Variants in CCDC150 observed in about 807,000 individuals in gnomAD.
CCDC150 encodes coiled-coil domain containing 150, also known as coiled-coil domain-containing protein 150.
A neutral mutation model predicts 156.5 loss-of-function variants in CCDC150; 151 were observed. The ratio of observed to expected loss-of-function variants is 0.97; its 90% CI spans 0.85 to 1.10. The LOEUF (loss-of-function observed/expected upper bound fraction) is 1.10. Ranked by LOEUF, CCDC150 falls within the 50% of genes least tolerant of loss-of-function variation. The pLI is 0.00. For synonymous variants in CCDC150, 452 were observed against 429.4 expected, an observed-to-expected ratio of 1.05 and a Z score of -0.65; for missense variants, 1,312 against 1,268.1, an observed-to-expected ratio of 1.03 and a Z score of -0.53.
chr2:196,712,133 T>G lies in CCDC150; in HGVS notation c.1696-12T>G. 7.2e-7 allele frequency: 1 copy of G among 1,389,908 alleles called. No homozygotes were observed. The highest frequency in any genetic ancestry group is 9.8e-7 in the Non-Finnish European group (1 of 1,021,368). 86.1% of individuals were successfully genotyped at this position (1,389,908 alleles called of 1,614,324 possible). On this transcript the variant is annotated splice_polypyrimidine_tract_variant and intron_variant, in intron 15 of 27. Coordinates refer to ENST00000389175, the MANE Select transcript of CCDC150 (RefSeq NM_001080539.2). ...TTTTAAAATTTTTTTTGTATTTTTGTTTTTCCTCTAGATAAAAGTTAAACA... is the reference window on the plus strand; with the variant it reads ...TTTTAAAATTTTTTTTGTATTTTTGGTTTTCCTCTAGATAAAAGTTAAACA...
intron 26 of CCDC150, among the ~76,000 whole-genome samples, chr2:196,731,414 A>T (rs1698515737): frequency 6.9e-6 from 1 of 144,982 alleles, no homozygotes; most frequent in African/African-American, 2.6e-5. Context: ...TTTTTCCAAG[A>T]CAGGGTCTCA....
chr2:196,719,521 G>T lies in CCDC150; in HGVS notation c.2020G>T (p.Ala674Ser), dbSNP rs1230693897. The change falls in exon 19 of 28, where the codon GCA becomes TCA. Residue 674 changes from alanine to serine, a missense_variant. Coordinates refer to ENST00000389175, the MANE Select transcript of CCDC150 (RefSeq NM_001080539.2). The stretch of plus-strand genomic sequence containing the variant: ...GGTGGGAAACTTTCAGCGACAATTG[G>T]CAGAAGCTAAAGAAGACAACTGCAA... ...KKVGNFQRQLAEAKEDNCKVT... is the reference protein window; with the variant it reads ...KKVGNFQRQLSEAKEDNCKVT... 1.2e-6 allele frequency: 2 copies of T among 1,609,832 alleles called. No homozygotes were observed. The highest frequency in any genetic ancestry group is 2.7e-5 in the African/African-American group (2 of 74,616).
At position 196,669,861 on chromosome 2, in the gene CCDC150, G is replaced by C. The variant is rs1371598998; in HGVS notation, c.921G>C (p.Leu307Phe). Residue 307 changes from leucine (L) to phenylalanine (F), a missense_variant, in exon 8 of 28, where the codon TTG becomes TTC. Coordinates refer to ENST00000389175, the MANE Select transcript of CCDC150 (RefSeq NM_001080539.2). Reference sequence around the variant, plus strand: ...CTAGAGATGACCTCATTTCCAAGTTGGTTGAAGAAAATAAGGTGAGTTTTG... The same window carrying C: ...CTAGAGATGACCTCATTTCCAAGTTCGTTGAAGAAAATAAGGTGAGTTTTG... ...LTSRDDLISK[L>F]VEENKNLQIS... 6.2e-7 allele frequency: 1 copy of C among 1,611,000 alleles called. No homozygotes were observed. Among genetic ancestry groups the C allele is most frequent in the Non-Finnish European group, 8.5e-7 (1 of 1,178,246 alleles).
At chr2:196,662,641 TC>T (rs1693623339) in intron 5 of CCDC150, among the ~76,000 whole-genome samples, 1 of 152,114 alleles carries the variant, frequency 6.6e-6, no homozygotes, top group African/African-American at 2.4e-5. Flanking sequence ...GTAGTACCAG[TC>T]TGTGGCCCCA....
At chr2:196,680,117 A>T (rs1431017675) in intron 13 of CCDC150, among the ~76,000 whole-genome samples, 1 of 152,150 alleles carries the variant, frequency 6.6e-6, no homozygotes, top group Non-Finnish European at 1.5e-5. Flanking sequence ...TTAAATTTTA[A>T]TGAAGACTAA....
At chr2:196,668,371 G>A (rs1163563506) in intron 7 of CCDC150, among the ~76,000 whole-genome samples, 2 of 149,032 alleles carry the variant, frequency 1.3e-5, no homozygotes, top group Non-Finnish European at 3.0e-5. Context: ...ACAGCAAGTA[G>A]AATAGCTGGG....
At chr2:196,687,478 C>T (rs1158375106) in intron 13 of CCDC150, among the ~76,000 whole-genome samples, 1 of 151,998 alleles carries the variant, frequency 6.6e-6, no homozygotes, top group Non-Finnish European at 1.5e-5. Context: ...CTTTTTCTTG[C>T]AAATTTAAGT....
At position 196,657,132 on chromosome 2, in the gene CCDC150, C is replaced by T; in HGVS notation, c.572C>T (p.Thr191Ile). 1 of 1,613,492 alleles carries T rather than the reference C, an allele frequency of 6.2e-7. No individual in the cohort carries two copies. The highest frequency in any genetic ancestry group is 8.5e-7 in the Non-Finnish European group (1 of 1,179,598). Residue 191 changes from threonine to isoleucine, a missense_variant, in exon 4 of 28, where the codon ACA becomes ATA. Coordinates refer to ENST00000389175, the MANE Select transcript of CCDC150 (RefSeq NM_001080539.2). ...LTATLKIASQ[T>I]KKNAAIIEEE... ...GCCACTCTGAAGATTGCCTCGCAGA[C>T]AAAGGTTTGAGTCTAAGAGTTCTGA...
intron 19 of CCDC150, chr2:196,719,902 A>G: frequency 2.9e-6 from 1 of 344,768 alleles, no homozygotes. Context: ...TAGACTATAT[A>G]TCCTAGAAAT....
At chr2:196,730,280 A>C (rs1698453166) in intron 25 of CCDC150, among the ~76,000 whole-genome samples, 162 bp downstream of exon 25, 1 of 152,258 alleles carries the variant, frequency 6.6e-6, no homozygotes, top group South Asian at 2.1e-4. Context: ...TCTAGGAAGA[A>C]GGCTGTAGTT....
chr2:196,701,463 A>C (rs1305653703), intron 15 of CCDC150, among the ~76,000 whole-genome samples: 1 of 152,222 alleles, frequency 6.6e-6, no homozygotes. Flanking sequence ...TAGAAAGCCT[A>C]TACCTCTTTT....
chr2:196,654,579 T>C (rs1258002456), intron 2 of CCDC150, among the ~76,000 whole-genome samples: 1 of 152,168 alleles, frequency 6.6e-6, no homozygotes, highest in Non-Finnish European at 1.5e-5. Flanking sequence ...TCTTTGGCTA[T>C]ATGATTTTTT....
At chr2:196,707,952 T>G (rs2125681110) in intron 15 of CCDC150, among the ~76,000 whole-genome samples, 1 of 152,216 alleles carries the variant, frequency 6.6e-6, no homozygotes, top group South Asian at 2.1e-4. Context: ...GGAATAAGTG[T>G]GATGTGGTGC....
intron 26 of CCDC150, among the ~76,000 whole-genome samples, chr2:196,731,261 T>C (rs1263066217): frequency 1.3e-5 from 2 of 152,162 alleles, no homozygotes; most frequent in African/African-American, 4.8e-5. Flanking sequence ...ATGACCCTAC[T>C]GAAAGTGGAT....
At chr2:196,721,996 A>G (rs1697947339) in intron 21 of CCDC150, among the ~76,000 whole-genome samples, 2 of 152,214 alleles carry the variant, frequency 1.3e-5, no homozygotes, top group African/African-American at 4.8e-5. Context: ...ACATGTTTCT[A>G]TGAAGGCTTT....
intron 15 of CCDC150, among the ~76,000 whole-genome samples, chr2:196,710,443 C>A (rs938958456): frequency 6.6e-6 from 1 of 152,186 alleles, no homozygotes; most frequent in African/African-American, 2.4e-5. Context: ...ATCCCCTGAC[C>A]CCCCTTGCGC....
At chr2:196,708,440 T>G (rs1418183671) in intron 15 of CCDC150, among the ~76,000 whole-genome samples, 2 of 152,208 alleles carry the variant, frequency 1.3e-5, no homozygotes, top group Non-Finnish European at 2.9e-5. Context: ...AGCACAGTGA[T>G]GGGTCTTGAC....
At chr2:196,652,076 C>T (rs530644517) in intron 2 of CCDC150, among the ~76,000 whole-genome samples, 2 of 152,282 alleles carry the variant, frequency 1.3e-5, no homozygotes, top group South Asian at 4.1e-4. Flanking sequence ...CTAACAGCTC[C>T]CACCAGGCCT....
At chr2:196,720,251 C>CT (rs1559274893) in intron 19 of CCDC150, 3 of 317,950 alleles carry the variant, frequency 9.4e-6, no homozygotes, top group South Asian at 6.5e-5. Context: ...TTTCTTTTCT[C>CT]TTTTTTTACA....
Sources: gnomAD v4.1 joint callset for allele counts (sites outside exome capture counted in the v4.1 genomes callset) on GRCh38, gnomAD v4.1.1 for gene constraint, MANE v1.5 for transcripts, NCBI Gene and HGNC (gene_info 2026-07-23, HGNC 2026-07-21) for gene names.